ERP27: variants seen among roughly 807,000 people sequenced by gnomAD.
The protein encoded by ERP27 is endoplasmic reticulum protein 27.
ERP27 carries 23 observed loss-of-function variants against 27.7 expected under a neutral mutation model. That is an observed-to-expected ratio of 0.83 (90% confidence interval 0.60 to 1.18). ERP27 has a LOEUF of 1.18. ERP27 is among the 50% of genes most tolerant of loss of function. ERP27 has a pLI of 0.00. For missense variants in ERP27, 363 were observed against 327.9 expected (o/e 1.11, Z -0.83); for synonymous variants, 159 against 118.3 (o/e 1.34, Z -2.23).
chr12:14,920,989 T>C lies in ERP27; in HGVS notation c.393A>G (p.Lys131=), dbSNP rs375689074. The C allele has an allele frequency of 6.2e-7, 1 of 1,614,020 alleles. No individual in the cohort carries two copies. Among genetic ancestry groups the C allele is most frequent in the African/African-American group, 1.3e-5 (1 of 74,924 alleles). The change falls in exon 4 of 7, where the codon AAA becomes AAG. Residue 131 remains lysine (K), a synonymous_variant. Coordinates refer to ENST00000266397, the MANE Select transcript of ERP27 (RefSeq NM_152321.4). ...TGTTGATCTCAATGAAACGGCTCAA[T>C]TTGGTGGCATCAATGCTTTCAATGT... ...DEDIESIDAT[K]LSRFIEINSL...
chr12:14,929,697 T>C (rs1863668808), intron 3 of ERP27, among the ~76,000 whole-genome samples: 1 of 152,232 alleles, frequency 6.6e-6, no homozygotes, highest in African/African-American at 2.4e-5. Context: ...TTTTTTTTGT[T>C]GTTGTAGACA....
Position 14,934,895 on chromosome 12 carries a change from G to A in ERP27, c.294C>T (p.His98=), listed in dbSNP as rs1476424116. Residue 98 remains histidine (H), a synonymous_variant, in exon 3 of 7, where the codon CAC becomes CAT. Transcript: ENST00000266397. ...GISTDSEVLT[H]YNITGNTICL... ...AGATGGTGTTCCCAGTGATGTTGTAGTGTGTCAGAACCTCAGAATCAGTGC... is the reference window on the plus strand; with the variant it reads ...AGATGGTGTTCCCAGTGATGTTGTAATGTGTCAGAACCTCAGAATCAGTGC... The A allele has an allele frequency of 6.2e-7, 1 of 1,613,990 alleles. No homozygotes were observed. The highest frequency in any genetic ancestry group is 8.5e-7 in the Non-Finnish European group (1 of 1,179,972).
intron 3 of ERP27, among the ~76,000 whole-genome samples, chr12:14,931,363 C>CA (rs60215173): frequency 0.56 from 72,239 of 129,212 alleles, 19,750 homozygotes; most frequent in East Asian, 0.79. Flanking sequence ...GTTCCCTTTT[C>CA]AAAAAAAAAA....
chr12:14,926,604 A>C (rs1407824166), intron 3 of ERP27, among the ~76,000 whole-genome samples: 1 of 152,104 alleles, frequency 6.6e-6, no homozygotes, highest in Non-Finnish European at 1.5e-5. Flanking sequence ...TTATTCTCTC[A>C]GGGATTGCCA....
At chr12:14,928,838 C>T in intron 3 of ERP27, 5 of 1,151,722 alleles carry the variant, frequency 4.3e-6, no homozygotes, top group Non-Finnish European at 6.2e-6. Flanking sequence ...CCTACCACCT[C>T]CTTCCCCTTC....
chr12:14,923,488 AATCAATCTATCTATCTATCT>A (rs1287704452), intron 3 of ERP27, among the ~76,000 whole-genome samples: 2 of 111,918 alleles, frequency 1.8e-5, no homozygotes, highest in African/African-American at 7.3e-5. Flanking sequence ...ATCTATCTAT[AATCAATCTATCTATCTATCT>A]ATCTATCTAT....
Position 14,935,018 on chromosome 12 carries a change from C to T in ERP27, c.196-25G>A, listed in dbSNP as rs114812504. 2.2e-3 allele frequency: 3,493 copies of T among 1,609,496 alleles called. 58 individuals are homozygous for T. In the African/African-American group the frequency reaches 0.039, roughly 18 times the overall value. On this transcript the variant is annotated intron_variant, in intron 2 of 6. Transcript: ENST00000266397. ...CCTAAAAACAAGAGAAAAAATAATACCACAGTGGTTATTTCGAAGGGCAGA... is the reference window on the plus strand; with the variant it reads ...CCTAAAAACAAGAGAAAAAATAATATCACAGTGGTTATTTCGAAGGGCAGA...
intron 2 of ERP27, 46 bp downstream of exon 2, chr12:14,937,906 G>C: frequency 1.3e-6 from 2 of 1,553,244 alleles, no homozygotes; most frequent in Non-Finnish European, 1.8e-6. Flanking sequence ...TTCCCTTAAG[G>C]TAGAACATTT....
chr12:14,937,442 T>C (rs1480601052), intron 2 of ERP27, among the ~76,000 whole-genome samples: 1 of 152,192 alleles, frequency 6.6e-6, no homozygotes, highest in African/African-American at 2.4e-5. Context: ...GCCATCATTT[T>C]CCAACATTTC....
chr12:14,917,106 C>T, intron 5 of ERP27, 72 bp downstream of exon 5: 1 of 1,579,354 alleles, frequency 6.3e-7, no homozygotes, highest in Non-Finnish European at 8.6e-7. Context: ...ATCTCTGCTT[C>T]CTAGCCCCAT....
chr12:14,916,082 G>A (rs1346481798), intron 5 of ERP27, among the ~76,000 whole-genome samples: 1 of 152,142 alleles, frequency 6.6e-6, no homozygotes, highest in Admixed American at 6.5e-5. Flanking sequence ...TGGGCTTAAT[G>A]TGTGGGTGAT....
chr12:14,929,385 A>G (rs1298428478), intron 3 of ERP27, among the ~76,000 whole-genome samples: 1 of 152,228 alleles, frequency 6.6e-6, no homozygotes, highest in Non-Finnish European at 1.5e-5. Flanking sequence ...TTATTTCTTA[A>G]ACTAATAAAC....
chr12:14,930,382 T>C (rs891896926), intron 3 of ERP27, among the ~76,000 whole-genome samples: 6 of 152,284 alleles, frequency 3.9e-5, no homozygotes, highest in African/African-American at 1.4e-4. Context: ...ACTATCCCAT[T>C]AGGTCAAAGT....
At chr12:14,929,102 G>A in intron 3 of ERP27, 1 of 1,512,668 alleles carries the variant, frequency 6.6e-7, no homozygotes. Context: ...TCTGGTGCCT[G>A]CACCTCAGCT....
chr12:14,923,930 A>G (rs1863554917), intron 3 of ERP27, among the ~76,000 whole-genome samples: 1 of 152,182 alleles, frequency 6.6e-6, no homozygotes, highest in Admixed American at 6.5e-5. Context: ...CTACTGTGCA[A>G]TAGAATACCT....
intron 3 of ERP27, among the ~76,000 whole-genome samples, chr12:14,929,701 G>A (rs1863668978): frequency 6.6e-6 from 1 of 151,972 alleles, no homozygotes; most frequent in Non-Finnish European, 1.5e-5. Flanking sequence ...TTTTGTTGTT[G>A]TAGACACTAC....
chr12:14,935,809 C>A (rs972944533), intron 2 of ERP27, among the ~76,000 whole-genome samples: 3 of 152,208 alleles, frequency 2.0e-5, no homozygotes, highest in Non-Finnish European at 2.9e-5. Context: ...GTCACTGCAA[C>A]CTCTGCCTCA....
Position 14,917,033 on chromosome 12 carries a change from T to C in ERP27, c.576+145A>G, listed in dbSNP as rs567004995. On this transcript the variant is annotated intron_variant, in intron 5 of 6. Transcript: ENST00000266397. ...ATACAACATCTCTAATTTCAAATAATGTGATTTATTATGTCCTACTTCTTG... is the reference window on the plus strand; with the variant it reads ...ATACAACATCTCTAATTTCAAATAACGTGATTTATTATGTCCTACTTCTTG... The C allele has an allele frequency of 5.6e-5, 48 of 862,270 alleles. No homozygotes were observed. In the South Asian group the frequency reaches 6.2e-4, roughly 11 times the overall value. 53.4% of individuals were successfully genotyped at this position (862,270 alleles called of 1,614,324 possible).
intron 3 of ERP27, among the ~76,000 whole-genome samples, chr12:14,930,619 T>A (rs572958350): frequency 1.6e-5 from 2 of 126,132 alleles, no homozygotes; most frequent in Admixed American, 1.6e-4. Context: ...AAGACTGTTA[T>A]ATGCAACTTA....
Sources: gnomAD v4.1 joint callset for allele counts (sites outside exome capture counted in the v4.1 genomes callset) on GRCh38, gnomAD v4.1.1 for gene constraint, MANE v1.5 for transcripts, NCBI Gene and HGNC (gene_info 2026-07-23, HGNC 2026-07-21) for gene names.